The following GRM7 variants were observed in gnomAD, a reference collection of about 807,000 sequenced individuals.
GRM7 encodes glutamate metabotropic receptor 7, also known as metabotropic glutamate receptor 7.
A neutral mutation model predicts 84.5 loss-of-function variants in GRM7; 35 were observed. That is an observed-to-expected ratio of 0.41 (90% CI 0.32 to 0.55). GRM7 has a LOEUF of 0.55. Ranked by LOEUF, GRM7 falls within the 20% of genes least tolerant of loss-of-function variation. The pLI, the probability that GRM7 is intolerant of heterozygous loss-of-function variation, is 0.19. For missense variants in GRM7, 1,003 were observed against 1,194.6 expected, an observed-to-expected ratio of 0.84 and a Z score of 2.36; for synonymous variants, 487 against 455.1, an observed-to-expected ratio of 1.07 and a Z score of -0.89.
chr3:7,505,612 C>T (rs1014059178), intron 7 of GRM7, among the ~76,000 whole-genome samples: 1 of 152,212 alleles, frequency 6.6e-6, no homozygotes, highest in Admixed American at 6.5e-5. Flanking sequence ...CAATTAGAGC[C>T]ACATGAACAC....
intron 1 of GRM7, among the ~76,000 whole-genome samples, chr3:7,084,521 T>G (rs1055665579): frequency 3.3e-5 from 5 of 152,106 alleles, no homozygotes; most frequent in African/African-American, 1.2e-4. Flanking sequence ...GAGGTATGTA[T>G]GAGAAAAGGG....
At chr3:7,102,491 T>C (rs1699145576) in intron 1 of GRM7, among the ~76,000 whole-genome samples, 1 of 151,790 alleles carries the variant, frequency 6.6e-6, no homozygotes, top group South Asian at 2.1e-4. Context: ...TTGGCTATGA[T>C]GTGCCCTCAT....
At chr3:7,669,888 G>C (rs1480890491) in intron 8 of GRM7, among the ~76,000 whole-genome samples, 2 of 146,964 alleles carry the variant, frequency 1.4e-5, no homozygotes, top group Non-Finnish European at 2.9e-5. Flanking sequence ...GGCATGGACT[G>C]AATGACTACT....
At chr3:7,671,496 A>T (rs1374981458) in intron 8 of GRM7, among the ~76,000 whole-genome samples, 1 of 151,810 alleles carries the variant, frequency 6.6e-6, no homozygotes, top group Non-Finnish European at 1.5e-5. Context: ...CCTTACGTCT[A>T]TCCAAATAAA....
intron 2 of GRM7, among the ~76,000 whole-genome samples, chr3:7,281,841 G>A (rs190542146): frequency 1.3e-3 from 201 of 152,322 alleles, no homozygotes; most frequent in Middle Eastern, 3.4e-3. Context: ...AGTACTTTGG[G>A]AGGCCAAGGC....
At chr3:7,229,761 T>A (rs11720546) in intron 2 of GRM7, among the ~76,000 whole-genome samples, 267 of 25,454 alleles carry the variant, frequency 0.01, 1 homozygote, top group Middle Eastern at 0.059. Flanking sequence ...ATATATATAT[T>A]TTTTTTTTTT....
At chr3:7,052,210 T>C (rs1202002956) in intron 1 of GRM7, among the ~76,000 whole-genome samples, 1 of 151,726 alleles carries the variant, frequency 6.6e-6, no homozygotes, top group African/African-American at 2.4e-5. Context: ...ATCATTTTCA[T>C]TTTTAAAGAT....
chr3:7,447,116 G>A (rs1327130203), intron 5 of GRM7, among the ~76,000 whole-genome samples: 1 of 152,070 alleles, frequency 6.6e-6, no homozygotes, highest in African/African-American at 2.4e-5. Context: ...ATACTAGAGA[G>A]GTAAAAGATA....
At chr3:7,532,872 A>C (rs1701096262) in intron 7 of GRM7, among the ~76,000 whole-genome samples, 1 of 138,240 alleles carries the variant, frequency 7.2e-6, no homozygotes, top group Admixed American at 7.1e-5. Flanking sequence ...AAACCAACAA[A>C]GATAAAAAAA....
intron 4 of GRM7, among the ~76,000 whole-genome samples, chr3:7,380,136 GA>G (rs1042668355): frequency 2.0e-5 from 3 of 151,204 alleles, no homozygotes; most frequent in Non-Finnish European, 3.0e-5. Context: ...TTAGTTGCTA[GA>G]AAAAAAAATG....
At chr3:6,914,689 C>T (rs2125022347) in intron 1 of GRM7, among the ~76,000 whole-genome samples, 1 of 141,164 alleles carries the variant, frequency 7.1e-6, no homozygotes, top group Middle Eastern at 3.6e-3. Context: ...GTGTGAGCCA[C>T]CGTGCCCGGC....
At chr3:6,955,752 G>A (rs1289712449) in intron 1 of GRM7, among the ~76,000 whole-genome samples, 1 of 149,890 alleles carries the variant, frequency 6.7e-6, no homozygotes, top group Non-Finnish European at 1.5e-5. Flanking sequence ...TGAGGCACGA[G>A]AATCACATGA....
intron 7 of GRM7, among the ~76,000 whole-genome samples, chr3:7,566,637 G>T (rs1694286390): frequency 1.4e-5 from 2 of 142,348 alleles, no homozygotes; most frequent in South Asian, 2.2e-4. Flanking sequence ...TTTCAGAAAT[G>T]GATAATTTGT....
intron 4 of GRM7, among the ~76,000 whole-genome samples, chr3:7,346,050 C>G (rs188785282): frequency 2.0e-4 from 31 of 152,182 alleles, no homozygotes; most frequent in Admixed American, 1.1e-3. Flanking sequence ...GAGTTAGTCT[C>G]TAATTAAGCT....
chr3:7,594,689 CAG>C (rs1695951419), intron 8 of GRM7, among the ~76,000 whole-genome samples: 1 of 152,104 alleles, frequency 6.6e-6, no homozygotes, highest in Admixed American at 6.6e-5. Context: ...AAGCAGGTAA[CAG>C]AGGTGAGCTG....
At position 7,319,815 on chromosome 3, in the gene GRM7, T is replaced by C. The variant is rs62237078; in HGVS notation, c.1033+13163T>C. On this transcript the variant is annotated intron_variant, in intron 4 of 9. Transcript: ENST00000357716. ...ATTTAAAGACACTTATTTTTGTATC[T>C]TGTTGCCTTTGATTATTATTGTTAA... 7.8e-3 allele frequency among the ~76,000 whole-genome samples: 1,181 copies of C among 152,138 alleles called. 25 individuals are homozygous for C. Among genetic ancestry groups the C allele is most frequent in the Admixed American group, 7.2e-3 (109 of 15,240 alleles).
chr3:7,247,610 A>AG (rs1281830601), intron 2 of GRM7, among the ~76,000 whole-genome samples: 1 of 150,470 alleles, frequency 6.6e-6, no homozygotes, highest in African/African-American at 2.4e-5. Context: ...TTTAAAAAAA[A>AG]AAAAAAAAAA....
intron 4 of GRM7, among the ~76,000 whole-genome samples, chr3:7,322,433 G>GT (rs563098674): frequency 1.4e-3 from 212 of 150,886 alleles, no homozygotes; most frequent in African/African-American, 4.2e-3. Context: ...TGGGGAACAG[G>GT]TTTTTTTTTG....
At chr3:7,220,724 T>C (rs1696772970) in intron 2 of GRM7, among the ~76,000 whole-genome samples, 1 of 152,246 alleles carries the variant, frequency 6.6e-6, no homozygotes, top group Non-Finnish European at 1.5e-5. Flanking sequence ...TAGGGGAGAC[T>C]GGGTGGTGTG....
Sources: allele counts gnomAD v4.1 joint callset (sites outside exome capture counted in the v4.1 genomes callset), GRCh38; gene constraint gnomAD v4.1.1; transcripts MANE v1.5; gene names NCBI Gene and HGNC (gene_info 2026-07-23, HGNC 2026-07-21).